The following SART3 variants were observed in gnomAD, a reference collection of about 807,000 sequenced individuals.
SART3 encodes spliceosome associated factor 3, U4/U6 recycling protein.
A neutral mutation model predicts 122.3 loss-of-function variants in SART3; 44 were observed. That is an observed-to-expected ratio of 0.36 (90% confidence interval 0.28 to 0.46). SART3 has a LOEUF of 0.46. SART3 is among the 20% of genes least tolerant of loss of function. The probability of loss-of-function intolerance (pLI) is 1.00; values close to 1 mark genes in which losing one functional copy is unlikely to be tolerated. For missense variants in SART3, 1,101 were observed against 1,229.0 expected, an observed-to-expected ratio of 0.90 and a Z score of 1.56; for synonymous variants, 442 against 454.0, an observed-to-expected ratio of 0.97 and a Z score of 0.34.
chr12:108,524,330 C>T lies in SART3; in HGVS notation c.2700G>A (p.Pro900=), dbSNP rs1324123391. 20 of 1,613,754 alleles carry T rather than the reference C, an allele frequency of 1.2e-5. No homozygotes were observed. The highest frequency in any genetic ancestry group is 1.7e-4 in the Middle Eastern group (1 of 6,004). ...CAAGCACTTACGCTCCGTATGTCTG[C>T]GGCAAAAGCATGGGGCCACCTGGTG... ...RKAPGGPMLL[P]QTYGARGKGR... Residue 900 remains proline, a synonymous_variant, in exon 18 of 19, where the codon CCG becomes CCA. Transcript: ENST00000546815.
chr12:108,532,481 C>T, intron 12 of SART3, 147 bp from the exon 13 acceptor site: 1 of 676,242 alleles, frequency 1.5e-6, no homozygotes, highest in East Asian at 2.8e-5. Context: ...ATCCATGATG[C>T]TTTCTCCTTC....
chr12:108,529,005 C>A (rs903209960), intron 15 of SART3, among the ~76,000 whole-genome samples: 1 of 152,124 alleles, frequency 6.6e-6, no homozygotes, highest in African/African-American at 2.4e-5. Context: ...TGCCTGTAAT[C>A]CCAGCTACTT....
At chr12:108,536,319 A>C (rs1350982886) in intron 11 of SART3, among the ~76,000 whole-genome samples, 195 bp downstream of exon 11, 2 of 152,234 alleles carry the variant, frequency 1.3e-5, no homozygotes, top group Non-Finnish European at 2.9e-5. Flanking sequence ...TTTCACCAAC[A>C]TATTTACAAA....
chr12:108,536,239 G>A (rs1872898524), intron 11 of SART3, among the ~76,000 whole-genome samples: 1 of 152,246 alleles, frequency 6.6e-6, no homozygotes, highest in African/African-American at 2.4e-5. Context: ...AAGAGGCAGA[G>A]ACAGAAGTAA....
At position 108,531,193 on chromosome 12, in the gene SART3, A is replaced by T. The variant is rs759061939; in HGVS notation, c.1746+11T>A. The T allele has an allele frequency of 6.8e-6, 11 of 1,613,250 alleles. No homozygotes were observed. The Admixed American group carries it at 1.8e-4, about 27-fold the overall frequency. On this transcript the variant is annotated intron_variant, in intron 14 of 18. Coordinates refer to ENST00000546815, the MANE Select transcript of SART3 (RefSeq NM_014706.4). ...ACCAGAGGTGCCAAAGACTTCAAAC[A>T]TTGTCATTACCTTCATTCTCTGCTC...
intron 1 of SART3, among the ~76,000 whole-genome samples, chr12:108,554,638 CAT>C (rs1305071135): frequency 4.7e-5 from 7 of 148,532 alleles, no homozygotes; most frequent in Non-Finnish European, 8.9e-5. Flanking sequence ...ATTTTAATAA[CAT>C]ATTTATATAT....
chr12:108,529,966 G>A (rs1872584278), intron 15 of SART3, among the ~76,000 whole-genome samples, 176 bp downstream of exon 15: 1 of 152,186 alleles, frequency 6.6e-6, no homozygotes, highest in South Asian at 2.1e-4. Flanking sequence ...TCTGATGGCT[G>A]CATTCTAGTC....
chr12:108,559,626 T>C (rs886694237), intron 1 of SART3, among the ~76,000 whole-genome samples: 11 of 141,042 alleles, frequency 7.8e-5, no homozygotes, highest in African/African-American at 2.7e-4. Flanking sequence ...GATGGTGCCA[T>C]TGCACTCCAG....
intron 12 of SART3, 100 bp downstream of exon 12, chr12:108,535,259 G>A: frequency 1.1e-6 from 1 of 899,598 alleles, no homozygotes. Context: ...AAACAGCCCA[G>A]TTCTAAGGAG....
At position 108,523,291 on chromosome 12, in the gene SART3, G is replaced by T; in HGVS notation, c.*166C>A. 2 of 741,132 alleles carry T rather than the reference G, an allele frequency of 2.7e-6. No individual in the cohort carries two copies. The highest frequency in any genetic ancestry group is 1.5e-5 in the South Asian group (1 of 64,694). The allele number at this position is 741,132 out of a possible 1,614,324, so 45.9% of individuals were successfully genotyped here. ...CCTCAATATGAGGGAGCACTGAAAG[G>T]CTCTTGACTTAGAACCCCTTCCCCT... On this transcript the variant is annotated 3_prime_UTR_variant, in exon 19 of 19. Transcript: ENST00000546815.
rs760819097 is a variant in SART3, at chr12:108,535,475, T to A, written c.1447-7A>T. Reference sequence around the variant, plus strand: ...TGTTATTGCACAGTCGAGCCTAAAGTGCATCAGCAGGCTGTTAGGAGACCT... The same window carrying A: ...TGTTATTGCACAGTCGAGCCTAAAGAGCATCAGCAGGCTGTTAGGAGACCT... On this transcript the variant is annotated splice_polypyrimidine_tract_variant and splice_region_variant and intron_variant, in intron 11 of 18. Transcript: ENST00000546815. 2 of 1,612,774 alleles carry A rather than the reference T, an allele frequency of 1.2e-6. No homozygotes were observed. The highest frequency in any genetic ancestry group is 3.3e-5 in the Admixed American group (2 of 60,006).
At chr12:108,530,108 C>T (rs368579685) in intron 15 of SART3, 34 bp downstream of exon 15, 87 of 1,612,704 alleles carry the variant, frequency 5.4e-5, no homozygotes, top group East Asian at 2.7e-4. Context: ...AACTTTAAGA[C>T]GTTTCAAAAC....
chr12:108,554,571 A>G (rs2030140190), intron 1 of SART3, among the ~76,000 whole-genome samples: 2 of 151,752 alleles, frequency 1.3e-5, no homozygotes, highest in South Asian at 4.1e-4. Context: ...AAGAATTAGC[A>G]AACTAGGAAT....
intron 9 of SART3, 23 bp from the exon 10 acceptor site, chr12:108,536,808 G>C (rs749965036): frequency 1.2e-6 from 2 of 1,610,170 alleles, no homozygotes; most frequent in East Asian, 4.5e-5. Flanking sequence ...GCAAAAAAAG[G>C]CTTTAGGAAA....
chr12:108,548,467 A>C (rs544638699), intron 2 of SART3, among the ~76,000 whole-genome samples: 1 of 152,240 alleles, frequency 6.6e-6, no homozygotes, highest in African/African-American at 2.4e-5. Context: ...CACAGCTAGT[A>C]AAAGATGTAG....
rs1349645388 is a variant in SART3, at chr12:108,532,504, A to G, written c.1557-170T>C. The G allele has an allele frequency of 6.5e-6, 4 of 616,462 alleles. No individual in the cohort carries two copies. The East Asian group carries it at 1.2e-4, about 18-fold the overall frequency. 38.2% of individuals were successfully genotyped at this position (616,462 alleles called of 1,614,324 possible). On this transcript the variant is annotated intron_variant, in intron 12 of 18. Coordinates refer to ENST00000546815, the MANE Select transcript of SART3 (RefSeq NM_014706.4). ...TGCTTTCTCCTTCCAGAGTCTCTAC[A>G]GTCACCTACGAAGTATTTCCCTGAA...
chr12:108,558,013 T>G (rs527612450), intron 1 of SART3, among the ~76,000 whole-genome samples: 2 of 152,088 alleles, frequency 1.3e-5, no homozygotes, highest in South Asian at 4.1e-4. Context: ...AAAAAAAATA[T>G]TTTTAATTAG....
Position 108,543,041 on chromosome 12 carries a change from T to C in SART3, c.893A>G (p.Tyr298Cys), listed in dbSNP as rs374720749. 21 of 1,614,232 alleles carry C rather than the reference T, an allele frequency of 1.3e-5. No homozygotes were observed. The highest frequency in any genetic ancestry group is 2.2e-5 in the South Asian group (2 of 91,086). The change falls in exon 6 of 19, where the codon TAT (tyrosine) becomes TGT (cysteine). Residue 298 changes from tyrosine (Y) to cysteine (C), a missense_variant. Tyr to Cys is a radical substitution (Grantham distance 194). Transcript: ENST00000546815. ...GCCAACACTTACCAGTGCTTCTTCA[T>C]AGGGTTTATATTTCTCCAGCTGCTG... ...ALQQLEKYKPYEEALLQAEAP... is the reference protein window; with the variant it reads ...ALQQLEKYKPCEEALLQAEAP...
In SART3 at chr12:108,561,048, C is replaced by T; in HGVS notation, c.107G>A (p.Arg36Lys). ...GGCCACAGCCCGCGATAACACCTTC[C>T]TCCTTGTCCTAGCCGCCTTAACCTC... ...EDEVKAARTR[R>K]KVLSRAVAAA... The change falls in exon 1 of 19, where the codon AGG (arginine) becomes AAG (lysine). Residue 36 changes from arginine to lysine, a missense_variant. By Grantham distance (26) the Arg-to-Lys change is conservative (BLOSUM62 2). This residue lies in a region of SART3 where 216 missense variants were observed against 148.9 expected (regional missense o/e 1.45). Coordinates refer to ENST00000546815, the MANE Select transcript of SART3 (RefSeq NM_014706.4). 6.2e-7 allele frequency: 1 copy of T among 1,614,202 alleles called. No homozygotes were observed. Among genetic ancestry groups the T allele is most frequent in the African/African-American group, 1.3e-5 (1 of 75,052 alleles).
Sources: allele counts gnomAD v4.1 joint callset (sites outside exome capture counted in the v4.1 genomes callset), GRCh38; gene constraint gnomAD v4.1.1; regional missense constraint gnomAD v4.1.1; transcripts MANE v1.5; gene names NCBI Gene and HGNC (gene_info 2026-07-23, HGNC 2026-07-21).